Variants in RPS6KA2 observed in about 807,000 individuals in gnomAD.
RPS6KA2 encodes ribosomal protein S6 kinase alpha-2.
RPS6KA2 carries 42 observed loss-of-function variants against 91.8 expected under a neutral mutation model. The observed-to-expected ratio is 0.46, with a 90% CI of 0.36 to 0.59. The LOEUF is 0.59. RPS6KA2 is among the 20% of genes least tolerant of loss of function. RPS6KA2 has a pLI of 0.00. For missense variants in RPS6KA2, 798 were observed against 978.5 expected (o/e 0.82, Z 2.46); for synonymous variants, 414 against 393.6 (o/e 1.05, Z -0.61).
chr6:166,654,575 T>C (rs1787952337), intron 2 of RPS6KA2, among the ~76,000 whole-genome samples: 1 of 152,262 alleles, frequency 6.6e-6, no homozygotes, highest in Non-Finnish European at 1.5e-5. Context: ...AACTGATTTA[T>C]TCTGCACAAT....
intron 16 of RPS6KA2, among the ~76,000 whole-genome samples, chr6:166,424,183 G>T (rs577748272): frequency 1.3e-5 from 2 of 152,324 alleles, no homozygotes; most frequent in East Asian, 3.9e-4. Context: ...GTCAGGCCTG[G>T]TTTACAGAGG....
chr6:166,772,016 GTTTGT>G (rs1454852928), intron 2 of RPS6KA2, among the ~76,000 whole-genome samples: 4 of 148,318 alleles, frequency 2.7e-5, no homozygotes, highest in African/African-American at 1.1e-4. Context: ...TCATAGCTCT[GTTTGT>G]TTTATGTTCC....
At chr6:166,768,725 T>A (rs1469537658) in intron 2 of RPS6KA2, among the ~76,000 whole-genome samples, 1 of 152,220 alleles carries the variant, frequency 6.6e-6, no homozygotes, top group African/African-American at 2.4e-5. Flanking sequence ...CTTTTCAGAC[T>A]TCTGGGCTGC....
intron 2 of RPS6KA2, among the ~76,000 whole-genome samples, chr6:166,842,819 A>C (rs965861369): frequency 6.6e-6 from 1 of 152,244 alleles, no homozygotes; most frequent in Non-Finnish European, 1.5e-5. Flanking sequence ...CAGACAAAGC[A>C]GCATGTGGAG....
At position 166,448,988 on chromosome 6, in the gene RPS6KA2, C is replaced by T. The variant is rs1583148102; in HGVS notation, c.1207-139G>A. The T allele has an allele frequency of 1.0e-6, 1 of 983,570 alleles. No homozygotes were observed. The highest frequency in any genetic ancestry group is 1.5e-6 in the Non-Finnish European group (1 of 660,970). 60.9% of individuals were successfully genotyped at this position (983,570 alleles called of 1,614,324 possible). On this transcript the variant is annotated intron_variant, in intron 13 of 20. Coordinates refer to ENST00000265678, the MANE Select transcript of RPS6KA2 (RefSeq NM_021135.6). The surrounding 1 kb of genome is among the most constrained non-coding windows in gnomAD (Gnocchi z 4.7). ...GTGGAGGCCTGGGAGCTCATGGGTC[C>T]CCCTGCCCAAGGCTGCAGAGCTACT...
chr6:166,550,822 G>A (rs930845644), intron 1 of RPS6KA2, among the ~76,000 whole-genome samples: 8 of 151,902 alleles, frequency 5.3e-5, no homozygotes, highest in Non-Finnish European at 7.4e-5. Context: ...CTAACACGGT[G>A]AAACCCCGTC....
At chr6:166,450,695 C>T (rs532295798) in intron 13 of RPS6KA2, among the ~76,000 whole-genome samples, 230 of 149,324 alleles carry the variant, frequency 1.5e-3, no homozygotes, top group Middle Eastern at 0.011. Context: ...CCACAGGGAC[C>T]ACCACAAGGG....
intron 1 of RPS6KA2, among the ~76,000 whole-genome samples, chr6:166,577,449 C>T (rs1784869788): frequency 6.6e-6 from 1 of 152,208 alleles, no homozygotes; most frequent in African/African-American, 2.4e-5. Context: ...TGCCCAAGAC[C>T]ATGGGAACCC....
At chr6:166,796,791 G>A (rs1053543660) in intron 2 of RPS6KA2, among the ~76,000 whole-genome samples, 40 of 150,950 alleles carry the variant, frequency 2.6e-4, no homozygotes, top group Non-Finnish European at 5.0e-4. Context: ...ACACTCACAC[G>A]AGTCACTCAC....
At chr6:166,645,732 A>G (rs758632808) in intron 2 of RPS6KA2, among the ~76,000 whole-genome samples, 7 of 152,244 alleles carry the variant, frequency 4.6e-5, no homozygotes, top group Non-Finnish European at 1.0e-4. Context: ...GGCACATAAG[A>G]ATTCATTTTT....
rs1290272311 is a variant in RPS6KA2 at position 166,490,825 on chromosome 6, C to G, written c.748-84G>C. 2.1e-6 allele frequency: 2 copies of G among 969,262 alleles called. No homozygotes were observed. Among genetic ancestry groups the G allele is most frequent in the South Asian group, 1.4e-5 (1 of 70,566 alleles). The allele number at this position is 969,262 out of a possible 1,614,324, so 60.0% of individuals were successfully genotyped here. On this transcript the variant is annotated intron_variant, in intron 8 of 20. Transcript: ENST00000265678. The surrounding 1 kb of genome is among the most constrained non-coding windows in gnomAD (Gnocchi z 4.2). ...CAGAGTACCCCAGCAGGGCAGCCTG[C>G]TACCGTGTCCATTTCCTCATGCAAA...
chr6:166,741,952 C>T (rs1325547550), intron 2 of RPS6KA2, among the ~76,000 whole-genome samples: 1 of 152,070 alleles, frequency 6.6e-6, no homozygotes, highest in Non-Finnish European at 1.5e-5. Flanking sequence ...CATAGTGAAA[C>T]CCCCGTCTCT....
At chr6:166,772,867 C>A (rs549255478) in intron 2 of RPS6KA2, among the ~76,000 whole-genome samples, 1 of 152,216 alleles carries the variant, frequency 6.6e-6, no homozygotes, top group Non-Finnish European at 1.5e-5. Context: ...CCTGGACTCT[C>A]TTCTTTGCAA....
At chr6:166,642,835 G>C (rs535069537) in intron 2 of RPS6KA2, among the ~76,000 whole-genome samples, 6 of 152,226 alleles carry the variant, frequency 3.9e-5, no homozygotes, top group Non-Finnish European at 5.9e-5. Context: ...AGTATGTGAC[G>C]AATGTCAGGC....
chr6:166,562,215 C>T (rs770346475), intron 1 of RPS6KA2, among the ~76,000 whole-genome samples: 4 of 152,182 alleles, frequency 2.6e-5, no homozygotes, highest in Non-Finnish European at 5.9e-5. Flanking sequence ...GCACCACTTA[C>T]TCACTTTGCA....
chr6:166,450,285 GGGAACCACCAC>G lies in RPS6KA2; in HGVS notation c.1206+807_1206+817del, dbSNP rs1779847918. Among the ~76,000 whole-genome samples the G allele has an allele frequency of 1.8e-4, 26 of 146,376 alleles. No individual in the cohort carries two copies. The South Asian group carries it at 5.7e-3, about 32-fold the overall frequency. ...TAGGAGACCATCACGGGTACCACCAGGGAACCACCACGGGGACCACCATAGGGACCACCAGG... is the reference window on the plus strand; with the variant it reads ...TAGGAGACCATCACGGGTACCACCAGGGGGACCACCATAGGGACCACCAGG... On this transcript the variant is annotated intron_variant, in intron 13 of 20. Transcript: ENST00000265678.
intron 3 of RPS6KA2, among the ~76,000 whole-genome samples, chr6:166,516,136 C>A (rs1255122368): frequency 6.6e-6 from 1 of 152,226 alleles, no homozygotes; most frequent in Non-Finnish European, 1.5e-5. Context: ...TGCCCTCAAC[C>A]TTGGCATAAA....
intron 2 of RPS6KA2, among the ~76,000 whole-genome samples, chr6:166,722,330 T>C (rs1790199180): frequency 6.6e-6 from 1 of 152,128 alleles, no homozygotes; most frequent in African/African-American, 2.4e-5. Context: ...GGAAAAGCGT[T>C]TTGTAAGGCG....
At chr6:166,702,602 T>A in intron 2 of RPS6KA2, 1 of 1,560,392 alleles carries the variant, frequency 6.4e-7, no homozygotes. Flanking sequence ...AGTTTCCGAA[T>A]CCTTTGCCTT....
Sources: gnomAD v4.1 joint callset for allele counts (sites outside exome capture counted in the v4.1 genomes callset) on GRCh38, gnomAD v4.1.1 for gene constraint, Gnocchi (gnomAD v3.1) non-coding constraint, MANE v1.5 for transcripts, NCBI Gene and HGNC (gene_info 2026-07-23, HGNC 2026-07-21) for gene names.